TMCC3: variants seen among roughly 807,000 people sequenced by gnomAD.
The protein encoded by TMCC3 is transmembrane and coiled-coil domain protein 3.
Under a neutral mutation model 40.2 loss-of-function variants are expected in TMCC3, and 28 were observed. The observed-to-expected ratio is 0.70, with a 90% CI of 0.52 to 0.95. TMCC3 has a LOEUF of 0.95. Ranked by LOEUF, TMCC3 falls within the 40% of genes least tolerant of loss-of-function variation. The probability of loss-of-function intolerance (pLI) is 0.00; values close to 1 mark genes in which losing one functional copy is unlikely to be tolerated. For synonymous variants in TMCC3, 255 were observed against 248.5 expected (o/e 1.03, Z -0.25); for missense variants, 554 against 615.2 (o/e 0.90, Z 1.05).
At chr12:94,589,081 C>A (rs1238496878) in intron 1 of TMCC3, among the ~76,000 whole-genome samples, 3 of 152,092 alleles carry the variant, frequency 2.0e-5, no homozygotes, top group Non-Finnish European at 4.4e-5. Context: ...CATCGGCCCC[C>A]CAAAGTGCTG....
chr12:94,646,845 A>T (rs1215981631), intron 1 of TMCC3, among the ~76,000 whole-genome samples: 1 of 151,914 alleles, frequency 6.6e-6, no homozygotes, highest in Non-Finnish European at 1.5e-5. Flanking sequence ...GGAGGCTCAG[A>T]AAGGCTATTT....
intron 3 of TMCC3, among the ~76,000 whole-genome samples, chr12:94,573,802 G>T (rs2068547151): frequency 6.8e-6 from 1 of 147,190 alleles, no homozygotes; most frequent in African/African-American, 2.5e-5. Context: ...CACTCTGCCT[G>T]AGACATGTGC....
At position 94,617,686 on chromosome 12, in the gene TMCC3, G is replaced by T. The variant is rs1271167072; in HGVS notation, c.78+32667C>A. ...AGGCCAGACTGTTCTGGGGGACCAG[G>T]GGTTTCCTGCTTTTGACATTAAATA... On this transcript the variant is annotated intron_variant, in intron 1 of 3. Transcript: ENST00000261226. 3.0e-4 allele frequency among the ~76,000 whole-genome samples: 45 copies of T among 152,204 alleles called. 1 individual carries two copies. Among genetic ancestry groups the T allele is most frequent in the Admixed American group, 2.9e-3 (45 of 15,286 alleles).
intron 1 of TMCC3, among the ~76,000 whole-genome samples, chr12:94,601,151 T>A (rs1291605402): frequency 6.6e-6 from 1 of 152,214 alleles, no homozygotes; most frequent in East Asian, 1.9e-4. Flanking sequence ...AACTGGATAT[T>A]AGAAATTATA....
At chr12:94,578,163 AAAAAAG>A (rs1268601179) in intron 3 of TMCC3, among the ~76,000 whole-genome samples, 12 of 149,590 alleles carry the variant, frequency 8.0e-5, no homozygotes, top group Admixed American at 2.0e-4. Flanking sequence ...AAAAAAAAAA[AAAAAAG>A]AAAAAGAAAA....
intron 1 of TMCC3, among the ~76,000 whole-genome samples, chr12:94,591,298 A>T (rs1178396223): frequency 1.3e-5 from 2 of 152,164 alleles, no homozygotes; most frequent in East Asian, 3.8e-4. Context: ...TCTTAAGCTA[A>T]ATGGCATTTT....
At chr12:94,589,994 C>T (rs981081006) in intron 1 of TMCC3, among the ~76,000 whole-genome samples, 3 of 152,122 alleles carry the variant, frequency 2.0e-5, no homozygotes, top group Non-Finnish European at 4.4e-5. Flanking sequence ...TTAGACTACT[C>T]TGTCAGAAAA....
chr12:94,618,378 G>A (rs1175142054), intron 1 of TMCC3, among the ~76,000 whole-genome samples: 1 of 152,086 alleles, frequency 6.6e-6, no homozygotes, highest in African/African-American at 2.4e-5. Context: ...TTCACCCATA[G>A]CCCAGTTCAG....
intron 1 of TMCC3, among the ~76,000 whole-genome samples, chr12:94,606,052 G>A (rs1238876792): frequency 6.6e-6 from 1 of 152,136 alleles, no homozygotes; most frequent in Non-Finnish European, 1.5e-5. Context: ...TGTGTAGGGG[G>A]GTGGATAGAA....
intron 1 of TMCC3, chr12:94,591,185 C>T (rs915731806): frequency 1.6e-5 from 4 of 256,290 alleles, no homozygotes; most frequent in African/African-American, 9.2e-5. Context: ...TCTAAATGTA[C>T]AAGGCATTCA....
chr12:94,610,738 G>C (rs1347690719), intron 1 of TMCC3, among the ~76,000 whole-genome samples: 1 of 152,208 alleles, frequency 6.6e-6, no homozygotes, highest in Non-Finnish European at 1.5e-5. Flanking sequence ...ACTGTTAAGA[G>C]AGAAAAGCAA....
chr12:94,597,081 AC>A (rs1193834905), intron 1 of TMCC3, among the ~76,000 whole-genome samples: 1 of 149,370 alleles, frequency 6.7e-6, no homozygotes. Context: ...GGAGTTTGAG[AC>A]CAGCCTGGGC....
intron 1 of TMCC3, chr12:94,609,965 C>T (rs1310029073): frequency 6.6e-6 from 1 of 152,158 alleles, no homozygotes; most frequent in Non-Finnish European, 1.5e-5. Context: ...GTCCCATGTC[C>T]ATGCCCTAGT....
At chr12:94,604,711 G>A (rs1039024683) in intron 1 of TMCC3, among the ~76,000 whole-genome samples, 5 of 148,620 alleles carry the variant, frequency 3.4e-5, no homozygotes, top group African/African-American at 1.2e-4. Context: ...GGCTGAGGTG[G>A]GAGGATTTCT....
rs1205134376 is a variant in TMCC3, at chr12:94,571,316, A to T, written c.*119T>A. On this transcript the variant is annotated 3_prime_UTR_variant, in exon 4 of 4. Coordinates refer to ENST00000261226, the MANE Select transcript of TMCC3 (RefSeq NM_020698.4). ...AGAATTGTAGTTATTTACACCACAC[A>T]GTCCTAGTTTTTCTTACACACGAGT... 9.9e-7 allele frequency: 1 copy of T among 1,014,044 alleles called. No homozygotes were observed. The highest frequency in any genetic ancestry group is 1.4e-6 in the Non-Finnish European group (1 of 694,456). 62.8% of individuals were successfully genotyped at this position (1,014,044 alleles called of 1,614,324 possible).
chr12:94,596,812 G>C (rs750595162), intron 1 of TMCC3, among the ~76,000 whole-genome samples: 2 of 152,004 alleles, frequency 1.3e-5, no homozygotes, highest in Non-Finnish European at 2.9e-5. Context: ...CATTTGCTCA[G>C]CTGTTTGCAA....
At chr12:94,592,408 G>C (rs2068682025) in intron 1 of TMCC3, among the ~76,000 whole-genome samples, 1 of 151,810 alleles carries the variant, frequency 6.6e-6, no homozygotes. Context: ...GGGAGGCTGA[G>C]GTGGGTGGAT....
chr12:94,582,338 A>C lies in TMCC3; in HGVS notation c.279T>G (p.Val93=), dbSNP rs1212121356. 1 of 1,613,946 alleles carries C rather than the reference A, an allele frequency of 6.2e-7. No homozygotes were observed. Residue 93 remains valine (V), a synonymous_variant, in exon 2 of 4, where the codon GTT becomes GTG. Coordinates refer to ENST00000261226, the MANE Select transcript of TMCC3 (RefSeq NM_020698.4). ...TGTTCACTAGTTTCAGATACTCCGC[A>C]ACATTCCCATCGCGCGATGTTTGCT... The part of the protein sequence containing the change: ...KIEQTSRDGN[V]AEYLKLVNNA...
At chr12:94,618,020 G>C (rs557968924) in intron 1 of TMCC3, among the ~76,000 whole-genome samples, 2 of 152,270 alleles carry the variant, frequency 1.3e-5, no homozygotes, top group African/African-American at 4.8e-5. Flanking sequence ...TAAGTCAATA[G>C]TACACTCCGT....
Sources: gnomAD v4.1 joint callset for allele counts (sites outside exome capture counted in the v4.1 genomes callset) on GRCh38, gnomAD v4.1.1 for gene constraint, MANE v1.5 for transcripts, NCBI Gene and HGNC (gene_info 2026-07-23, HGNC 2026-07-21) for gene names.